The following TOP1MT variants were observed in gnomAD, a reference collection of about 807,000 sequenced individuals.
TOP1MT encodes the protein DNA topoisomerase I, mitochondrial.
TOP1MT carries 80 observed loss-of-function variants against 73.9 expected under a neutral mutation model. That is an observed-to-expected ratio of 1.08 (90% CI 0.90 to 1.30). The LOEUF (loss-of-function observed/expected upper bound fraction) is 1.30. Among genes scored for constraint, TOP1MT ranks in the 50% most tolerant of loss-of-function variants. The pLI is 0.00. For synonymous variants in TOP1MT, 338 were observed against 326.4 expected (o/e 1.04, Z -0.38); for missense variants, 815 against 808.0 (o/e 1.01, Z -0.10).
intron 13 of TOP1MT, 69 bp from the exon 14 acceptor site, chr8:143,309,612 C>T (rs1815946756): frequency 3.7e-6 from 6 of 1,600,380 alleles, no homozygotes; most frequent in East Asian, 4.5e-5. Flanking sequence ...TCAGGGTGCT[C>T]GGCAAGGGCG....
intron 12 of TOP1MT, among the ~76,000 whole-genome samples, chr8:143,312,689 G>A (rs1816045197): frequency 6.6e-6 from 1 of 152,176 alleles, no homozygotes; most frequent in African/African-American, 2.4e-5. Context: ...CCAGTGTACT[G>A]GAGATTCCTG....
chr8:143,337,042 A>G (rs1816993418), upstream of TOP1MT, among the ~76,000 whole-genome samples: 1 of 152,244 alleles, frequency 6.6e-6, no homozygotes, highest in South Asian at 2.1e-4. Context: ...TTATACTCTG[A>G]AAACTGTAAA....
chr8:143,309,431 C>T lies in TOP1MT; in HGVS notation c.*10G>A, dbSNP rs767072043. On this transcript the variant is annotated 3_prime_UTR_variant, in exon 14 of 14. Transcript: ENST00000329245. Reference sequence around the variant, plus strand: ...CACACATACAAAAGAAGTTTCAACACGGCTCGTCGTTAGAATTCAAAGTCT... The same window carrying T: ...CACACATACAAAAGAAGTTTCAACATGGCTCGTCGTTAGAATTCAAAGTCT... 1.2e-5 allele frequency: 19 copies of T among 1,612,540 alleles called. No individual in the cohort carries two copies. The highest frequency in any genetic ancestry group is 4.0e-5 in the African/African-American group (3 of 74,918).
intron 3 of TOP1MT, among the ~76,000 whole-genome samples, chr8:143,326,775 G>A (rs899188926): frequency 1.3e-5 from 2 of 152,222 alleles, no homozygotes; most frequent in Non-Finnish European, 2.9e-5. Flanking sequence ...AGCTCATCTG[G>A]TGAACGTGAC....
intron 3 of TOP1MT, among the ~76,000 whole-genome samples, chr8:143,329,028 C>G (rs1398257645): frequency 6.6e-6 from 1 of 152,186 alleles, no homozygotes; most frequent in Non-Finnish European, 1.5e-5. Flanking sequence ...ATATGCCAGA[C>G]CCCTGTCCTT....
intron 2 of TOP1MT, among the ~76,000 whole-genome samples, chr8:143,330,952 G>A (rs1816836812): frequency 6.6e-6 from 1 of 150,744 alleles, no homozygotes. Context: ...GAGGGAGGGG[G>A]GGTCCGCTTT....
At chr8:143,359,506 C>G (rs574238935), upstream of TOP1MT, 1 of 868,324 alleles carries the variant, frequency 1.2e-6, no homozygotes, top group Non-Finnish European at 1.4e-6. Context: ...AGGGCCCAAG[C>G]AGAAAGTCAG....
At chr8:143,334,688 A>G in intron 1 of TOP1MT, 52 bp downstream of exon 1, 1 of 1,592,448 alleles carries the variant, frequency 6.3e-7, no homozygotes, top group South Asian at 1.1e-5. Context: ...TTCTGGACCT[A>G]CCCAAGCCCG....
chr8:143,348,791 C>T (rs1586784964), upstream of TOP1MT, among the ~76,000 whole-genome samples: 2 of 152,292 alleles, frequency 1.3e-5, no homozygotes, highest in East Asian at 1.9e-4. This position sits in a 1 kb window ranked among gnomAD's most constrained non-coding sequence, Gnocchi z 4.6. Context: ...AGCCAGAAAA[C>T]GGCCCTTGGT....
intron 12 of TOP1MT, 44 bp from the exon 13 acceptor site, chr8:143,310,261 C>G (rs1401121342): frequency 7.0e-7 from 1 of 1,432,474 alleles, no homozygotes; most frequent in Admixed American, 2.6e-5. Flanking sequence ...GCTGGACTAG[C>G]GCCACCTGAG....
At chr8:143,353,373 G>A (rs1442858708) in intron 1 of TOP1MT, among the ~76,000 whole-genome samples, 1 of 150,948 alleles carries the variant, frequency 6.6e-6, no homozygotes, top group East Asian at 1.9e-4. Flanking sequence ...CTATGACGGT[G>A]TCACTGCACT....
At chr8:143,316,928 G>A (rs1212157696) in intron 10 of TOP1MT, among the ~76,000 whole-genome samples, 1 of 152,190 alleles carries the variant, frequency 6.6e-6, no homozygotes, top group Non-Finnish European at 1.5e-5. Context: ...CTCCTCTCCT[G>A]GGGCTCTCAC....
intron 1 of TOP1MT, among the ~76,000 whole-genome samples, chr8:143,355,633 A>G (rs886085840): frequency 2.6e-5 from 4 of 152,190 alleles, no homozygotes; most frequent in Non-Finnish European, 4.4e-5. Flanking sequence ...TATCTAAAAC[A>G]AAAACAAACA....
At chr8:143,337,129 T>C (rs1816995243), upstream of TOP1MT, among the ~76,000 whole-genome samples, 1 of 152,144 alleles carries the variant, frequency 6.6e-6, no homozygotes, top group Non-Finnish European at 1.5e-5. Context: ...TGATTTCATA[T>C]GGTTAAGACA....
chr8:143,326,210 AG>A lies in TOP1MT; in HGVS notation c.483+11del. On this transcript the variant is annotated intron_variant, in intron 4 of 13. Coordinates refer to ENST00000329245, the MANE Select transcript of TOP1MT (RefSeq NM_052963.3). ...GCCACTTCAGGTCACACAACGCTCG[AG>A]GCAGCCCAACCTGCTTCTCCTCCCT... is the stretch of plus-strand genomic sequence containing the variant. The A allele has an allele frequency of 6.2e-7, 1 of 1,613,484 alleles. No individual in the cohort carries two copies. Among genetic ancestry groups the A allele is most frequent in the Non-Finnish European group, 8.5e-7 (1 of 1,179,920 alleles).
chr8:143,353,779 C>T (rs540552213), intron 1 of TOP1MT, among the ~76,000 whole-genome samples: 171 of 151,888 alleles, frequency 1.1e-3, no homozygotes, highest in Non-Finnish European at 2.1e-3. Flanking sequence ...GCCTGGCCAA[C>T]ATGGTGAAAC....
intron 1 of TOP1MT, among the ~76,000 whole-genome samples, chr8:143,332,016 TC>T (rs1816869414): frequency 7.2e-6 from 1 of 138,204 alleles, no homozygotes; most frequent in South Asian, 2.6e-4. Flanking sequence ...AAGGTCCCCC[TC>T]CCCAGGGCGC....
At chr8:143,328,865 A>G (rs566942526) in intron 3 of TOP1MT, among the ~76,000 whole-genome samples, 2 of 152,326 alleles carry the variant, frequency 1.3e-5, no homozygotes, top group South Asian at 2.1e-4. Context: ...GCACACACAT[A>G]AAATCAGTCA....
intron 12 of TOP1MT, among the ~76,000 whole-genome samples, chr8:143,311,424 C>T (rs1414272697): frequency 1.3e-5 from 2 of 152,174 alleles, no homozygotes; most frequent in Non-Finnish European, 2.9e-5. Context: ...TCCGGATGCT[C>T]ATCCTGAAGA....
Sources: allele counts gnomAD v4.1 joint callset (sites outside exome capture counted in the v4.1 genomes callset), GRCh38; gene constraint gnomAD v4.1.1; non-coding constraint Gnocchi (gnomAD v3.1); transcripts MANE v1.5; gene names NCBI Gene and HGNC (gene_info 2026-07-23, HGNC 2026-07-21).